The following SLC22A24 variants were observed in gnomAD, a reference collection of about 807,000 sequenced individuals.
SLC22A24 encodes steroid transmembrane transporter SLC22A24.
SLC22A24 carries 53 observed loss-of-function variants against 49.8 expected under a neutral mutation model. That is an observed-to-expected ratio of 1.06 (90% CI 0.85 to 1.34). The LOEUF is 1.34. SLC22A24 is among the 40% of genes most tolerant of loss of function. SLC22A24 has a pLI of 0.00. For missense variants in SLC22A24, 786 were observed against 675.9 expected (o/e 1.16, Z -1.81); for synonymous variants, 302 against 256.4 (o/e 1.18, Z -1.70).
rs1466176638 is a variant in SLC22A24, at chr11:63,119,275, A to T, written c.567T>A (p.Cys189Ter). ...CAAGGAAGGTGGGAGCGAAGGCCGC[A>T]CAGGTGTTAGAGATGGCCAGCTGGA... ...CFLQLAISNT[C>*]AAFAPTFLVY... The change falls in exon 3 of 10, where the codon TGT becomes TGA. Residue 189 changes from cysteine to a stop codon, truncating the protein, a stop_gained. Transcript: ENST00000612278. LOFTEE classifies it high-confidence loss of function. 1 of 1,551,392 alleles carries T rather than the reference A, an allele frequency of 6.4e-7. No individual in the cohort carries two copies. Among genetic ancestry groups the T allele is most frequent in the Non-Finnish European group, 8.7e-7 (1 of 1,146,882 alleles).
intron 6 of SLC22A24, among the ~76,000 whole-genome samples, chr11:63,089,810 G>A (rs554858785): frequency 3.3e-5 from 5 of 152,144 alleles, no homozygotes; most frequent in African/African-American, 7.2e-5. Context: ...GGCCGGCCGC[G>A]GTGGCTCACG....
At chr11:63,119,131 A>T in intron 3 of SLC22A24, 50 bp downstream of exon 3, 1 of 1,526,420 alleles carries the variant, frequency 6.6e-7, no homozygotes, top group Non-Finnish European at 8.8e-7. Flanking sequence ...GGTAATTTCA[A>T]GGTCAATTCA....
intron 6 of SLC22A24, among the ~76,000 whole-genome samples, chr11:63,091,841 C>G (rs1414104887): frequency 6.6e-6 from 1 of 152,006 alleles, no homozygotes; most frequent in African/African-American, 2.4e-5. Context: ...CTTTGAAAAC[C>G]GGCACAAGAC....
At chr11:63,097,341 T>C (rs1245681769) in intron 5 of SLC22A24, among the ~76,000 whole-genome samples, 1 of 152,194 alleles carries the variant, frequency 6.6e-6, no homozygotes, top group Non-Finnish European at 1.5e-5. Flanking sequence ...TCATCCCTGG[T>C]CATTAGAGAA....
At chr11:63,126,675 G>GT (rs1345305278) in intron 2 of SLC22A24, among the ~76,000 whole-genome samples, 1 of 152,140 alleles carries the variant, frequency 6.6e-6, no homozygotes, top group Non-Finnish European at 1.5e-5. Context: ...GTTTAAAGCA[G>GT]TTTTTTCCAA....
In SLC22A24 at chr11:63,119,011, C is replaced by T. The variant is rs1046685801; in HGVS notation, c.731G>A (p.Gly244Glu). ...AGCCAGCCCTCCTAGGAGCATCTGCCCAACACTGTAGGAACATAATAGCAC... is the reference window on the plus strand; with the variant it reads ...AGCCAGCCCTCCTAGGAGCATCTGCTCAACACTGTAGGAACATAATAGCAC... ...IMVLLCSYSV[G>E]QMLLGGLAFA... Residue 244 changes from glycine to glutamate, a missense_variant, in exon 4 of 10, where the codon GGG (glycine) becomes GAG (glutamate). Gly to Glu is a moderately conservative substitution (Grantham distance 98). Transcript: ENST00000612278. The T allele has an allele frequency of 1.3e-5, 20 of 1,551,524 alleles. No individual in the cohort carries two copies. Among genetic ancestry groups the T allele is most frequent in the Admixed American group, 1.2e-4 (6 of 50,960 alleles).
At chr11:63,133,353 G>T (rs564374403) in intron 2 of SLC22A24, among the ~76,000 whole-genome samples, 112 of 152,254 alleles carry the variant, frequency 7.4e-4, no homozygotes, top group African/African-American at 2.6e-3. Flanking sequence ...AGATGAACCA[G>T]GTACCTCAGC....
At chr11:63,114,913 T>A (rs12361774) in intron 4 of SLC22A24, among the ~76,000 whole-genome samples, 18,066 of 152,240 alleles carry the variant, frequency 0.12, 1,203 homozygotes, top group Middle Eastern at 0.15. Context: ...CAAATATTGC[T>A]GCCTAATCCT....
intron 4 of SLC22A24, among the ~76,000 whole-genome samples, chr11:63,111,617 A>C (rs1202343292): frequency 6.7e-6 from 1 of 150,102 alleles, no homozygotes. Flanking sequence ...TTTCTTCTAG[A>C]TTTTCTAGTT....
intron 1 of SLC22A24, among the ~76,000 whole-genome samples, chr11:63,139,516 CT>C (rs1459467359): frequency 6.6e-6 from 1 of 152,054 alleles, no homozygotes; most frequent in Non-Finnish European, 1.5e-5. Flanking sequence ...CTTTGCACAC[CT>C]GGATCAGAAA....
At chr11:63,080,066 G>A (rs1590724890) in intron 9 of SLC22A24, 66 bp from the exon 10 acceptor site, 6 of 1,062,072 alleles carry the variant, frequency 5.6e-6, no homozygotes, top group East Asian at 2.6e-5. Context: ...TATAGATTAA[G>A]CATATATATA....
chr11:63,081,636 G>A lies in SLC22A24; in HGVS notation c.1316C>T (p.Thr439Ile). 3.9e-6 allele frequency: 6 copies of A among 1,551,478 alleles called. No individual in the cohort carries two copies. The highest frequency in any genetic ancestry group is 4.4e-6 in the Non-Finnish European group (5 of 1,146,788). The change falls in exon 8 of 10, where the codon ACT (threonine) becomes ATT (isoleucine). Residue 439 changes from threonine to isoleucine, a missense_variant. Coordinates refer to ENST00000612278, the MANE Select transcript of SLC22A24 (RefSeq NM_001136506.2). ...AGCAGAAACACTACCAATTCCCAAAGTTGCTAAAACCACACGCAGGATCTG... is the reference window on the plus strand; with the variant it reads ...AGCAGAAACACTACCAATTCCCAAAATTGCTAAAACCACACGCAGGATCTG... ...EMQILRVVLA[T>I]LGIGSVSAAS...
chr11:63,086,362 G>C (rs1271264423), intron 6 of SLC22A24, among the ~76,000 whole-genome samples: 1 of 152,084 alleles, frequency 6.6e-6, no homozygotes, highest in Admixed American at 6.5e-5. Flanking sequence ...GCCATAAAGA[G>C]GAACAAGATC....
chr11:63,093,392 C>G (rs746241813), intron 6 of SLC22A24, among the ~76,000 whole-genome samples: 1 of 152,036 alleles, frequency 6.6e-6, no homozygotes, highest in African/African-American at 2.4e-5. Flanking sequence ...CACATGCACA[C>G]GTATGTTTAT....
At chr11:63,087,342 T>C (rs2135193844) in intron 6 of SLC22A24, among the ~76,000 whole-genome samples, 1 of 152,172 alleles carries the variant, frequency 6.6e-6, no homozygotes, top group East Asian at 1.9e-4. Flanking sequence ...AGCCAGGGAC[T>C]TCCCTCCCTG....
In SLC22A24 at chr11:63,113,103, C is replaced by CGTAT. The variant is rs1555048880; in HGVS notation, c.830+5808_830+5809insATAC. ...ACACATATATATACATATATATATA[C>CGTAT]ATATATATACACATATATATATACA... is the stretch of plus-strand genomic sequence containing the variant. On this transcript the variant is annotated intron_variant, in intron 4 of 9. Transcript: ENST00000612278. Among the ~76,000 whole-genome samples, 2 of 1,470 alleles carry CGTAT rather than the reference C, an allele frequency of 1.4e-3. 1 individual carries two copies. The highest frequency in any genetic ancestry group is 1.7e-3 in the African/African-American group (2 of 1,184). The allele number at this position is 1,470 out of a possible 152,430, so 1.0% of individuals were successfully genotyped here. A position where few individuals can be genotyped will look rare whatever the true frequency, so the allele number is the denominator to read the frequency against.
chr11:63,080,974 A>G lies in SLC22A24; in HGVS notation c.1544T>C (p.Leu515Pro), dbSNP rs760911775. 6.5e-7 allele frequency: 1 copy of G among 1,549,614 alleles called. No individual in the cohort carries two copies. The highest frequency in any genetic ancestry group is 1.2e-5 in the South Asian group (1 of 83,982). ...PILAVPVILLLPETRDLPLPN... is the reference protein window; with the variant it reads ...PILAVPVILLPPETRDLPLPN... ...AAGAGGTAGATCCCTGGTTTCTGGA[A>G]GGAGGAGGATAACAGGGACAGCAAG... Residue 515 changes from leucine (L) to proline (P), a missense_variant, in exon 9 of 10, where the codon CTT becomes CCT. Transcript: ENST00000612278.
At chr11:63,080,795 G>A (rs1248709320) in intron 9 of SLC22A24, 125 bp downstream of exon 9, 3 of 769,652 alleles carry the variant, frequency 3.9e-6, no homozygotes. Flanking sequence ...GTGACAAATA[G>A]AAAAGTCCTA....
chr11:63,111,386 T>C (rs10897362), intron 4 of SLC22A24, among the ~76,000 whole-genome samples: 119,213 of 150,702 alleles, frequency 0.79, 48,365 homozygotes, highest in East Asian at 0.9. Flanking sequence ...GGAGGATTCC[T>C]TCTTTTTCTA....
Sources: allele counts gnomAD v4.1 joint callset (sites outside exome capture counted in the v4.1 genomes callset), GRCh38; gene constraint gnomAD v4.1.1; transcripts MANE v1.5; gene names NCBI Gene and HGNC (gene_info 2026-07-23, HGNC 2026-07-21).